CCDC62: variants seen among roughly 807,000 people sequenced by gnomAD.
CCDC62 encodes the protein coiled-coil domain-containing protein 62.
In CCDC62, 72 loss-of-function variants were observed where a neutral mutation model predicts 80.8. That is an observed-to-expected ratio of 0.89 (90% CI 0.74 to 1.08). CCDC62 has a LOEUF of 1.08. Among genes scored for constraint, CCDC62 ranks in the 50% least tolerant of loss-of-function variants. CCDC62 has a pLI of 0.00. For synonymous variants in CCDC62, 286 were observed against 296.5 expected (o/e 0.96, Z 0.36); for missense variants, 704 against 809.4 (o/e 0.87, Z 1.58).
At chr12:122,774,801 T>C in intron 1 of CCDC62, 95 bp downstream of exon 1, 1 of 1,017,480 alleles carries the variant, frequency 9.8e-7, no homozygotes, top group Non-Finnish European at 1.3e-6. Flanking sequence ...ACTTAAAATG[T>C]GAAACAGGCC....
intron 10 of CCDC62, among the ~76,000 whole-genome samples, chr12:122,806,999 G>A (rs1478689762): frequency 6.6e-6 from 1 of 152,056 alleles, no homozygotes; most frequent in African/African-American, 2.4e-5. Flanking sequence ...ACACGTTGGT[G>A]GGCTTGCTTA....
At chr12:122,786,861 G>A (rs958906455) in intron 4 of CCDC62, among the ~76,000 whole-genome samples, 13 of 152,148 alleles carry the variant, frequency 8.5e-5, no homozygotes, top group Non-Finnish European at 1.8e-4. Context: ...TCGGGAGGCT[G>A]AGGCAGGAAA....
chr12:122,813,325 G>T lies in CCDC62; in HGVS notation c.1907G>T (p.Arg636Leu). ...DDFSPTSKLQ[R>L]LLAESRQMVT... The stretch of plus-strand genomic sequence containing the variant: ...TTCTCGCCCACGAGCAAGCTCCAGC[G>T]TTTGCTGGCGGAATCTCGTCAGATG... The change falls in exon 11 of 13, where the codon CGT (arginine) becomes CTT (leucine). Residue 636 changes from arginine (R) to leucine (L), a missense_variant. Arg to Leu is a moderately radical substitution (Grantham distance 102, BLOSUM62 -2). Transcript: ENST00000253079. 1 of 1,613,888 alleles carries T rather than the reference G, an allele frequency of 6.2e-7. No individual in the cohort carries two copies. Among genetic ancestry groups the T allele is most frequent in the Non-Finnish European group, 8.5e-7 (1 of 1,179,886 alleles).
intron 9 of CCDC62, among the ~76,000 whole-genome samples, chr12:122,803,692 C>T (rs1422147440): frequency 6.6e-6 from 1 of 152,092 alleles, no homozygotes; most frequent in African/African-American, 2.4e-5. Context: ...GTCATTCTGC[C>T]AGTTGCAAAT....
intron 3 of CCDC62, among the ~76,000 whole-genome samples, chr12:122,784,151 T>C (rs2135533829): frequency 6.6e-6 from 1 of 152,300 alleles, no homozygotes; most frequent in South Asian, 2.1e-4. Context: ...CTACAGTATA[T>C]AGCCTTTTCA....
At chr12:122,800,326 A>G (rs2031222089) in intron 8 of CCDC62, among the ~76,000 whole-genome samples, 1 of 151,600 alleles carries the variant, frequency 6.6e-6, no homozygotes, top group African/African-American at 2.4e-5. Flanking sequence ...CACACCTGTA[A>G]TTGCAGTGCT....
chr12:122,803,521 C>T (rs1001992379), intron 9 of CCDC62, among the ~76,000 whole-genome samples: 2 of 151,938 alleles, frequency 1.3e-5, no homozygotes, highest in Middle Eastern at 3.2e-3. Context: ...TATTGAGAGG[C>T]GTATTTTAAT....
At chr12:122,804,238 C>T (rs1275952492) in intron 9 of CCDC62, among the ~76,000 whole-genome samples, 1 of 152,166 alleles carries the variant, frequency 6.6e-6, no homozygotes, top group Non-Finnish European at 1.5e-5. Context: ...TGTTCCAGAA[C>T]AGCTTTTGCT....
intron 9 of CCDC62, among the ~76,000 whole-genome samples, chr12:122,804,048 C>T (rs75910729): frequency 6.6e-6 from 1 of 152,180 alleles, no homozygotes; most frequent in African/African-American, 2.4e-5. Flanking sequence ...ATGTTTTTCT[C>T]TTTTTCCATA....
chr12:122,782,025 CAA>C (rs370400310), intron 3 of CCDC62, among the ~76,000 whole-genome samples: 61 of 65,322 alleles, frequency 9.3e-4, no homozygotes, highest in Admixed American at 2.3e-3. Flanking sequence ...GCCTGGGTGA[CAA>C]AAAAAAAAAA....
chr12:122,813,635 G>A (rs975725177), intron 11 of CCDC62, among the ~76,000 whole-genome samples: 3 of 152,106 alleles, frequency 2.0e-5, no homozygotes, highest in Admixed American at 6.6e-5. Context: ...TGGGGCATAT[G>A]AAGATAAATT....
At chr12:122,791,729 G>A (rs562791216) in intron 5 of CCDC62, among the ~76,000 whole-genome samples, 15 of 152,352 alleles carry the variant, frequency 9.8e-5, no homozygotes, top group Non-Finnish European at 8.8e-5. Context: ...GATTATAGGC[G>A]TGAGCCACTG....
chr12:122,816,376 C>G lies in CCDC62; in HGVS notation c.2001+2957C>G, dbSNP rs548791855. ...TTCTTCCCCTGTGTCTGGGGAGAAC[C>G]TTTATGACTTTTCTAGTCATTCTTT... On this transcript the variant is annotated intron_variant, in intron 11 of 12. Transcript: ENST00000253079. 2.6e-5 allele frequency among the ~76,000 whole-genome samples: 4 copies of G among 152,264 alleles called. No homozygotes were observed. In the South Asian group the frequency reaches 8.3e-4, roughly 32 times the overall value.
chr12:122,775,944 T>C (rs1879423995), intron 1 of CCDC62, among the ~76,000 whole-genome samples: 1 of 152,204 alleles, frequency 6.6e-6, no homozygotes, highest in Non-Finnish European at 1.5e-5. Flanking sequence ...AAATCTTACT[T>C]TTCAAAAAGC....
In CCDC62 at chr12:122,785,792, A is replaced by T; in HGVS notation, c.470A>T (p.Gln157Leu). 1 of 1,612,626 alleles carries T rather than the reference A, an allele frequency of 6.2e-7. No homozygotes were observed. Among genetic ancestry groups the T allele is most frequent in the Non-Finnish European group, 8.5e-7 (1 of 1,178,602 alleles). Reference protein sequence around the residue: ...AQVGQLQAREQALTTMIKLKD... With the variant: ...AQVGQLQARELALTTMIKLKD... Reference sequence around the variant, plus strand: ...GTAGGACAGCTACAAGCTCGAGAACAAGCTCTTACGACAATGATAAAGCTA... The same window carrying T: ...GTAGGACAGCTACAAGCTCGAGAACTAGCTCTTACGACAATGATAAAGCTA... The change falls in exon 4 of 13, where the codon CAA (glutamine) becomes CTA (leucine). Residue 157 changes from glutamine (Q) to leucine (L), a missense_variant. Physicochemically the swap from Gln to Leu is moderately radical, Grantham distance 113. Transcript: ENST00000253079.
chr12:122,804,284 C>T (rs550203075), intron 9 of CCDC62, among the ~76,000 whole-genome samples: 4 of 152,176 alleles, frequency 2.6e-5, no homozygotes, highest in Non-Finnish European at 4.4e-5. Context: ...GTCAGGAGGT[C>T]GAGACCGACC....
chr12:122,785,989 C>G (rs2030195150), intron 4 of CCDC62, among the ~76,000 whole-genome samples, 169 bp downstream of exon 4: 2 of 152,148 alleles, frequency 1.3e-5, no homozygotes, highest in African/African-American at 4.8e-5. Context: ...AAATGATGTT[C>G]CCAAGGCATG....
chr12:122,777,535 G>A lies in CCDC62; in HGVS notation c.81G>A (p.Arg27=). Residue 27 remains arginine (R), a synonymous_variant, in exon 2 of 13, where the codon CGG becomes CGA. Transcript: ENST00000253079. ...EVEISTIEKQ[R]KELQLLIGEL... is the part of the protein sequence containing the mutation. Reference sequence around the variant, plus strand: ...AGATTTCCACTATCGAGAAACAACGGAAGGAGCTGCAGTTGCTCATTGGAG... The same window carrying A: ...AGATTTCCACTATCGAGAAACAACGAAAGGAGCTGCAGTTGCTCATTGGAG... The A allele has an allele frequency of 6.2e-7, 1 of 1,614,040 alleles. No homozygotes were observed. The highest frequency in any genetic ancestry group is 1.1e-5 in the South Asian group (1 of 91,068).
chr12:122,804,031 G>T (rs1237439274), intron 9 of CCDC62, among the ~76,000 whole-genome samples: 1 of 152,190 alleles, frequency 6.6e-6, no homozygotes, highest in East Asian at 1.9e-4. Flanking sequence ...TAAGTAGAAA[G>T]ATAATTATGT....
Sources: gnomAD v4.1 joint callset for allele counts (sites outside exome capture counted in the v4.1 genomes callset) on GRCh38, gnomAD v4.1.1 for gene constraint, MANE v1.5 for transcripts, NCBI Gene and HGNC (gene_info 2026-07-23, HGNC 2026-07-21) for gene names.